Variants in SYTL3 observed in about 807,000 individuals in gnomAD.
SYTL3 encodes synaptotagmin-like protein 3.
Under a neutral mutation model 82.1 loss-of-function variants are expected in SYTL3, and 88 were observed. The ratio of observed to expected loss-of-function variants is 1.07; its 90% CI spans 0.90 to 1.28. The LOEUF is 1.28. SYTL3 is among the 50% of genes most tolerant of loss of function. The pLI, the probability that SYTL3 is intolerant of heterozygous loss-of-function variation, is 0.00. For synonymous variants in SYTL3, 311 were observed against 289.4 expected, an observed-to-expected ratio of 1.07 and a Z score of -0.76; for missense variants, 831 against 757.6, an observed-to-expected ratio of 1.10 and a Z score of -1.14.
Position 158,676,252 on chromosome 6 carries a change from A to G in SYTL3, c.330-6673A>G, listed in dbSNP as rs530335543. On this transcript the variant is annotated intron_variant, in intron 5 of 17. Transcript: ENST00000611299. The stretch of plus-strand genomic sequence containing the variant: ...ACAGAGCCCTCAGAAATAATGTTGC[A>G]TATCTACAACTATCTGATCTTTGAC... Among the ~76,000 whole-genome samples, 14 of 152,360 alleles carry G rather than the reference A, an allele frequency of 9.2e-5. No individual in the cohort carries two copies. In the South Asian group the frequency reaches 1.0e-3, roughly 11 times the overall value.
At chr6:158,725,956 C>T in intron 11 of SYTL3, 1 of 671,742 alleles carries the variant, frequency 1.5e-6, no homozygotes, top group South Asian at 1.4e-5. Context: ...CAGGAGGGCG[C>T]CGGTCAGCTT....
In SYTL3 at chr6:158,718,109, T is replaced by C; in HGVS notation, c.618T>C (p.Asp206=). Residue 206 remains aspartate (D), a synonymous_variant, in exon 10 of 18, where the codon GAT becomes GAC. Transcript: ENST00000611299. ...HVKKLSKSQN[D]MTSEKHLLAT... ...TAGAGCTCTCCAAATCCCAGAATGA[T>C]ATGACTTCTGAGAAGCATCTTCTCG... is the stretch of plus-strand genomic sequence containing the variant. The C allele has an allele frequency of 6.5e-7, 1 of 1,544,420 alleles. No individual in the cohort carries two copies.
At chr6:158,708,482 G>A (rs990249215) in intron 8 of SYTL3, 91 bp downstream of exon 8, 157 of 1,254,428 alleles carry the variant, frequency 1.3e-4, no homozygotes, top group Non-Finnish European at 1.7e-4. Flanking sequence ...GGCCGGGCAC[G>A]GAACCTCCCA....
intron 5 of SYTL3, among the ~76,000 whole-genome samples, chr6:158,678,128 C>T (rs1019333386): frequency 3.9e-5 from 6 of 152,146 alleles, no homozygotes; most frequent in African/African-American, 7.2e-5. Flanking sequence ...CCTCTCGCCT[C>T]GGCCTCCGAA....
chr6:158,685,504 G>A (rs1005255832), intron 6 of SYTL3, among the ~76,000 whole-genome samples: 7 of 150,172 alleles, frequency 4.7e-5, no homozygotes, highest in East Asian at 2.1e-4. Flanking sequence ...CACTTCACCC[G>A]GCCACTTTTG....
In SYTL3 at chr6:158,760,651, C is replaced by G; in HGVS notation, c.1320C>G (p.Tyr440Ter). The G allele has an allele frequency of 2.5e-6, 4 of 1,613,796 alleles. No individual in the cohort carries two copies. Among genetic ancestry groups the G allele is most frequent in the Non-Finnish European group, 3.4e-6 (4 of 1,179,780 alleles). ...WHPLRAKAEK[Y>*]EDSVPQSNGE... ...CCTCTTGTCCCCAGGCGGAGAAATA[C>G]GAAGACAGCGTTCCTCAGAGTAATG... The change falls in exon 15 of 18, where the codon TAC (tyrosine) becomes TAG (stop). Residue 440 changes from tyrosine to a stop codon, truncating the protein, a stop_gained. Transcript: ENST00000611299. LOFTEE classifies it high-confidence loss of function.
chr6:158,675,082 GT>G (rs1464461520), intron 5 of SYTL3, among the ~76,000 whole-genome samples: 1 of 152,132 alleles, frequency 6.6e-6, no homozygotes, highest in African/African-American at 2.4e-5. Context: ...AGACTTAAAT[GT>G]TAGACTTACT....
intron 13 of SYTL3, 109 bp downstream of exon 13, chr6:158,752,139 A>G: frequency 1.6e-6 from 1 of 608,650 alleles, no homozygotes; most frequent in Non-Finnish European, 2.8e-6. Context: ...AGTTAGATAT[A>G]ATACAGACAC....
intron 2 of SYTL3, among the ~76,000 whole-genome samples, chr6:158,657,321 G>A (rs974560084): frequency 1.3e-5 from 2 of 151,508 alleles, no homozygotes; most frequent in Admixed American, 1.3e-4. Flanking sequence ...AGCTACTCAG[G>A]AGGCTGAGTC....
chr6:158,707,136 C>G lies in SYTL3; in HGVS notation c.395-94C>G, dbSNP rs2128454212. The G allele has an allele frequency of 4.0e-6, 5 of 1,258,210 alleles. No individual in the cohort carries two copies. The South Asian group carries it at 6.2e-5, about 16-fold the overall frequency. The allele number at this position is 1,258,210 out of a possible 1,614,324, so 77.9% of individuals were successfully genotyped here. ...TACTTTTTAATCACAAGAAATGATACTAGAGAAAATAATTTTAATCTACTA... is the reference window on the plus strand; with the variant it reads ...TACTTTTTAATCACAAGAAATGATAGTAGAGAAAATAATTTTAATCTACTA... On this transcript the variant is annotated intron_variant, in intron 6 of 17. Coordinates refer to ENST00000611299, the MANE Select transcript of SYTL3 (RefSeq NM_001242394.2).
At chr6:158,707,746 A>G (rs1334543334) in intron 7 of SYTL3, among the ~76,000 whole-genome samples, 1 of 152,262 alleles carries the variant, frequency 6.6e-6, no homozygotes, top group Non-Finnish European at 1.5e-5. Flanking sequence ...CTGAGCAGTC[A>G]TGAAGCTGGC....
chr6:158,752,063 C>A (rs375824090), intron 13 of SYTL3, 33 bp downstream of exon 13: 1 of 1,502,052 alleles, frequency 6.7e-7, no homozygotes. Context: ...TGTGCAGAGT[C>A]CTCCCGAGCC....
chr6:158,655,783 G>A (rs568934763), intron 2 of SYTL3, among the ~76,000 whole-genome samples: 1 of 152,336 alleles, frequency 6.6e-6, no homozygotes, highest in African/African-American at 2.4e-5. Flanking sequence ...AGGACATGAA[G>A]CCCCAGAGGG....
rs1251061665 is a variant in SYTL3 at position 158,760,628 on chromosome 6, T to G, written c.1309-12T>G. ...GGGAATCCTGTCCCTAAGCTCTGCC[T>G]CTTGTCCCCAGGCGGAGAAATACGA... is the stretch of plus-strand genomic sequence containing the variant. On this transcript the variant is annotated splice_polypyrimidine_tract_variant and intron_variant, in intron 14 of 17. Coordinates refer to ENST00000611299, the MANE Select transcript of SYTL3 (RefSeq NM_001242394.2). 1.2e-6 allele frequency: 2 copies of G among 1,612,204 alleles called. No homozygotes were observed. Among genetic ancestry groups the G allele is most frequent in the African/African-American group, 2.7e-5 (2 of 74,892 alleles).
chr6:158,732,344 G>T (rs774562052), intron 11 of SYTL3, among the ~76,000 whole-genome samples: 1 of 152,162 alleles, frequency 6.6e-6, no homozygotes, highest in Admixed American at 6.5e-5. Context: ...TAAGGCAAAC[G>T]ATAGCAATGA....
chr6:158,677,323 G>A (rs1193535034), intron 5 of SYTL3, among the ~76,000 whole-genome samples: 3 of 152,018 alleles, frequency 2.0e-5, no homozygotes, highest in East Asian at 1.9e-4. Context: ...ACCAAACACC[G>A]CATGTTTCTC....
Position 158,663,202 on chromosome 6 carries a change from C to A in SYTL3, c.-67C>A. On this transcript the variant is annotated 5_prime_UTR_variant, in exon 4 of 18. Transcript: ENST00000611299. ...GCAGCTGGCCTCCGCCGCTCATCTG[C>A]AGGGCGTGAGCGCTTGGTCCATGCA... 1.4e-6 allele frequency: 2 copies of A among 1,456,236 alleles called. No homozygotes were observed. The highest frequency in any genetic ancestry group is 9.6e-7 in the Non-Finnish European group (1 of 1,041,978). 90.2% of individuals were successfully genotyped at this position (1,456,236 alleles called of 1,614,324 possible).
intron 6 of SYTL3, among the ~76,000 whole-genome samples, chr6:158,692,257 CAAAAAAAAAAAAAAAAAAAAAA>C (rs571381475): frequency 1.2e-4 from 4 of 32,186 alleles, no homozygotes; most frequent in East Asian, 2.7e-3. Flanking sequence ...GACTCCGTCT[CAAAAAAAAAAAAAAAAAAAAAA>C]AAAAAAAAAA....
intron 6 of SYTL3, among the ~76,000 whole-genome samples, chr6:158,692,439 A>G (rs547665763): frequency 9.9e-4 from 151 of 152,210 alleles, no homozygotes; most frequent in African/African-American, 3.3e-3. Flanking sequence ...TAACCAGGTT[A>G]ATTATTGTAT....
Sources: gnomAD v4.1 joint callset for allele counts (sites outside exome capture counted in the v4.1 genomes callset) on GRCh38, gnomAD v4.1.1 for gene constraint, MANE v1.5 for transcripts, NCBI Gene and HGNC (gene_info 2026-07-23, HGNC 2026-07-21) for gene names.